Variants in DCPS observed in about 807,000 individuals in gnomAD.
The protein encoded by DCPS is decapping enzyme, scavenger, also known as m7GpppX diphosphatase.
A neutral mutation model predicts 34.7 loss-of-function variants in DCPS; 27 were observed. The observed-to-expected ratio is 0.78, with a 90% confidence interval of 0.57 to 1.07. The LOEUF (loss-of-function observed/expected upper bound fraction) is 1.07, where lower values mean the gene tolerates loss of function less well. DCPS is among the 50% of genes least tolerant of loss of function. The pLI, the probability that DCPS is intolerant of heterozygous loss-of-function variation, is 0.00. For synonymous variants in DCPS, 185 were observed against 185.7 expected (o/e 1.00, Z 0.03); for missense variants, 464 against 436.9 (o/e 1.06, Z -0.55).
In DCPS at chr11:126,306,662, G is replaced by C; in HGVS notation, c.294G>C (p.Leu98=). The C allele has an allele frequency of 6.2e-7, 1 of 1,613,974 alleles. No individual in the cohort carries two copies. The highest frequency in any genetic ancestry group is 1.1e-5 in the South Asian group (1 of 91,072). Residue 98 remains leucine (L), a synonymous_variant, in exon 2 of 6, where the codon CTG becomes CTC. Coordinates refer to ENST00000263579, the MANE Select transcript of DCPS (RefSeq NM_014026.6). ...PFQVEQVAQL[L]TGSPELQLQF... is the part of the protein sequence containing the mutation. ...AGGTGGAACAGGTGGCTCAGCTCCT[G>C]ACGGGCAGCCCTGAGCTCCAGTTGC...
rs541455223 is a variant in DCPS, at chr11:126,326,833, G to C, written c.377-4572G>C. On this transcript the variant is annotated intron_variant, in intron 2 of 5. Transcript: ENST00000263579. ...AGCTACTCAGGAGGCTGAGGCAGGA[G>C]AATGGCGTGAGCCCGGGAGGCGGAG... Among the ~76,000 whole-genome samples, 728 of 152,008 alleles carry C rather than the reference G, an allele frequency of 4.8e-3. 8 individuals are homozygous for C. The highest frequency in any genetic ancestry group is 0.017 in the African/African-American group (695 of 41,452).
Position 126,347,223 on chromosome 11 carries a change from C to CTTTTTT in DCPS, c.*1625_*1630dup, listed in dbSNP as rs1229980101. On this transcript the variant is annotated 3_prime_UTR_variant, in exon 6 of 6. Coordinates refer to ENST00000263579, the MANE Select transcript of DCPS (RefSeq NM_014026.6). This position sits in a 1 kb window ranked among gnomAD's most constrained non-coding sequence, Gnocchi z 4.2. ...CACTCAGCCATTCTTCCCTGCAGCT[C>CTTTTTT]TTTTTTTTTTTTTTTTTTTTGAGAC... is the stretch of plus-strand genomic sequence containing the variant. 8.1e-6 allele frequency among the ~76,000 whole-genome samples: 1 copy of CTTTTTT among 122,750 alleles called. No homozygotes were observed. The highest frequency in any genetic ancestry group is 1.7e-5 in the Non-Finnish European group (1 of 59,118). The allele number at this position is 122,750 out of a possible 152,430, so 80.5% of individuals were successfully genotyped here.
At position 126,333,245 on chromosome 11, in the gene DCPS, G is replaced by A. The variant is rs1452985118; in HGVS notation, c.522+1695G>A. Reference sequence around the variant, plus strand: ...CTCCTGACTGACGGGAGCCGTTCATGTATTCCTTCTTGGCTATTTCTAGTT... The same window carrying A: ...CTCCTGACTGACGGGAGCCGTTCATATATTCCTTCTTGGCTATTTCTAGTT... On this transcript the variant is annotated intron_variant, in intron 3 of 5. Coordinates refer to ENST00000263579, the MANE Select transcript of DCPS (RefSeq NM_014026.6). This position sits in a 1 kb window ranked among gnomAD's most constrained non-coding sequence, Gnocchi z 5.7. Among the ~76,000 whole-genome samples the A allele has an allele frequency of 1.3e-5, 2 of 152,168 alleles. No homozygotes were observed. Among genetic ancestry groups the A allele is most frequent in the Non-Finnish European group, 2.9e-5 (2 of 68,014 alleles).
intron 2 of DCPS, among the ~76,000 whole-genome samples, chr11:126,324,366 T>A (rs1465095474): frequency 2.0e-5 from 3 of 152,122 alleles, no homozygotes; most frequent in African/African-American, 7.2e-5. Flanking sequence ...AGAATTGGAT[T>A]TATAATAATA....
chr11:126,311,131 A>T (rs1951616038), intron 2 of DCPS, among the ~76,000 whole-genome samples: 1 of 152,202 alleles, frequency 6.6e-6, no homozygotes. Flanking sequence ...TTCCAGCTGC[A>T]ATGTCCATCC....
rs1328289787 is a variant in DCPS, at chr11:126,323,785, G to T, written c.377-7620G>T. Among the ~76,000 whole-genome samples the T allele has an allele frequency of 6.6e-6, 1 of 152,034 alleles. No homozygotes were observed. Among genetic ancestry groups the T allele is most frequent in the Non-Finnish European group, 1.5e-5 (1 of 68,000 alleles). ...AACTCCTGGGCTCAGGTGATCCAAAGTGCTAGGATTATAGGCATGAGCCAC... is the reference window on the plus strand; with the variant it reads ...AACTCCTGGGCTCAGGTGATCCAAATTGCTAGGATTATAGGCATGAGCCAC... On this transcript the variant is annotated intron_variant, in intron 2 of 5. Transcript: ENST00000263579. The surrounding 1 kb of genome is among the most constrained non-coding windows in gnomAD (Gnocchi z 4.4).
Position 126,331,249 on chromosome 11 carries a change from A to T in DCPS, c.377-156A>T, listed in dbSNP as rs1051927164. On this transcript the variant is annotated intron_variant, in intron 2 of 5. Coordinates refer to ENST00000263579, the MANE Select transcript of DCPS (RefSeq NM_014026.6). This position sits in a 1 kb window ranked among gnomAD's most constrained non-coding sequence, Gnocchi z 7.2. ...GCTCGTGAATGCAGTGGCACAAGGC[A>T]CTCTGTGGGAGTGGATCTTGGGTGC... 3.3e-5 allele frequency among the ~76,000 whole-genome samples: 5 copies of T among 151,888 alleles called. No homozygotes were observed. Among genetic ancestry groups the T allele is most frequent in the African/African-American group, 9.7e-5 (4 of 41,334 alleles).
rs759465987 is a variant in DCPS at position 126,338,751 on chromosome 11, C to T, written c.636+352C>T. Among the ~76,000 whole-genome samples, 10 of 152,204 alleles carry T rather than the reference C, an allele frequency of 6.6e-5. No homozygotes were observed. The highest frequency in any genetic ancestry group is 1.5e-4 in the Non-Finnish European group (10 of 68,044). On this transcript the variant is annotated intron_variant, in intron 4 of 5. Coordinates refer to ENST00000263579, the MANE Select transcript of DCPS (RefSeq NM_014026.6). This position sits in a 1 kb window ranked among gnomAD's most constrained non-coding sequence, Gnocchi z 5.4. ...CCCTCGGGTGGGGTGTTTCCATTTT[C>T]TCCATTCCCCTTGACACCAGCAGAT...
Position 126,347,900 on chromosome 11 carries a change from G to A in DCPS, c.*2287G>A, listed in dbSNP as rs1053854475. Among the ~76,000 whole-genome samples, 10 of 152,156 alleles carry A rather than the reference G, an allele frequency of 6.6e-5. No individual in the cohort carries two copies. Among genetic ancestry groups the A allele is most frequent in the South Asian group, 2.1e-4 (1 of 4,830 alleles). The stretch of plus-strand genomic sequence containing the variant: ...CCATCTCCAGCACCACAACTGCCAC[G>A]GAGCAGAGGGAGGCCTCCCTGTGGA... On this transcript the variant is annotated 3_prime_UTR_variant, in exon 6 of 6. Coordinates refer to ENST00000263579, the MANE Select transcript of DCPS (RefSeq NM_014026.6). The surrounding 1 kb of genome is among the most constrained non-coding windows in gnomAD (Gnocchi z 4.2).
At chr11:126,310,428 G>A (rs923483837) in intron 2 of DCPS, among the ~76,000 whole-genome samples, 10 of 152,196 alleles carry the variant, frequency 6.6e-5, no homozygotes, top group African/African-American at 1.4e-4. Flanking sequence ...GCCGCGTACC[G>A]TAGCTTCAGA....
chr11:126,343,299 C>G lies in DCPS; in HGVS notation c.637-8C>G. The stretch of plus-strand genomic sequence containing the variant: ...GCTGAGCCTGGTCTCCCCTTGCTCT[C>G]TACGCAGCTCGATGACTTGTACTTG... On this transcript the variant is annotated splice_polypyrimidine_tract_variant and splice_region_variant and intron_variant, in intron 4 of 5. Transcript: ENST00000263579. 1 of 1,611,046 alleles carries G rather than the reference C, an allele frequency of 6.2e-7. No homozygotes were observed. The highest frequency in any genetic ancestry group is 1.1e-5 in the South Asian group (1 of 90,476).
chr11:126,330,937 C>T (rs747301652), intron 2 of DCPS, among the ~76,000 whole-genome samples: 108 of 151,514 alleles, frequency 7.1e-4, no homozygotes, highest in Non-Finnish European at 1.3e-3. Context: ...GGTTTCTCCA[C>T]GTTGGTCAGG....
At position 126,323,150 on chromosome 11, in the gene DCPS, A is replaced by C. The variant is rs529856125; in HGVS notation, c.377-8255A>C. ...CAGCCACCAAATTCCTAAGTGTGAC[A>C]GTAGAATAAATATATTTTCAGATGT... On this transcript the variant is annotated intron_variant, in intron 2 of 5. Transcript: ENST00000263579. This position sits in a 1 kb window ranked among gnomAD's most constrained non-coding sequence, Gnocchi z 4.4. Among the ~76,000 whole-genome samples, 1 of 152,296 alleles carries C rather than the reference A, an allele frequency of 6.6e-6. No homozygotes were observed. The highest frequency in any genetic ancestry group is 1.9e-4 in the East Asian group (1 of 5,186).
Position 126,327,742 on chromosome 11 carries a change from T to C in DCPS, c.377-3663T>C, listed in dbSNP as rs926702499. Among the ~76,000 whole-genome samples the C allele has an allele frequency of 2.6e-5, 4 of 152,264 alleles. No individual in the cohort carries two copies. Among genetic ancestry groups the C allele is most frequent in the Non-Finnish European group, 5.9e-5 (4 of 68,048 alleles). On this transcript the variant is annotated intron_variant, in intron 2 of 5. Coordinates refer to ENST00000263579, the MANE Select transcript of DCPS (RefSeq NM_014026.6). This position sits in a 1 kb window ranked among gnomAD's most constrained non-coding sequence, Gnocchi z 4.1. ...TCATCTGGGACAAAAATGCTCTTCC[T>C]GGGTTTAAGTCGAAAAGGCCAGATT... is the stretch of plus-strand genomic sequence containing the variant.
In DCPS at chr11:126,338,024, G is replaced by GT; in HGVS notation, c.523-262_523-261insT. On this transcript the variant is annotated intron_variant, in intron 3 of 5. Transcript: ENST00000263579. The surrounding 1 kb of genome is among the most constrained non-coding windows in gnomAD (Gnocchi z 5.4). ...CACTATGCTGACCAGGAAGAGCCTG[G>GT]CCCCTTCCAAGCTGCAGAGACCCTT... 1 of 496,138 alleles carries GT rather than the reference G, an allele frequency of 2.0e-6. No individual in the cohort carries two copies. The highest frequency in any genetic ancestry group is 3.3e-5 in the Admixed American group (1 of 30,336). 30.7% of individuals were successfully genotyped at this position (496,138 alleles called of 1,614,324 possible). A position where few individuals can be genotyped will look rare whatever the true frequency, so the allele number is the denominator to read the frequency against.
Position 126,329,015 on chromosome 11 carries a change from G to A in DCPS, c.377-2390G>A, listed in dbSNP as rs545318901. On this transcript the variant is annotated intron_variant, in intron 2 of 5. Transcript: ENST00000263579. This position sits in a 1 kb window ranked among gnomAD's most constrained non-coding sequence, Gnocchi z 5.0. Reference sequence around the variant, plus strand: ...GCCAGGACTTGCACCCAGGCTGACTGGCTCCAAAATCTCTGTTCTCATCCA... The same window carrying A: ...GCCAGGACTTGCACCCAGGCTGACTAGCTCCAAAATCTCTGTTCTCATCCA... 6.6e-6 allele frequency among the ~76,000 whole-genome samples: 1 copy of A among 152,260 alleles called. No homozygotes were observed. The highest frequency in any genetic ancestry group is 1.9e-4 in the East Asian group (1 of 5,164).
Position 126,328,493 on chromosome 11 carries a change from C to G in DCPS, c.377-2912C>G, listed in dbSNP as rs996531194. ...TGGAAAATAAGCACCTGTGGATGCTCTTGCTGCTGAGGGGAGGCGGGAGGG... is the reference window on the plus strand; with the variant it reads ...TGGAAAATAAGCACCTGTGGATGCTGTTGCTGCTGAGGGGAGGCGGGAGGG... On this transcript the variant is annotated intron_variant, in intron 2 of 5. Coordinates refer to ENST00000263579, the MANE Select transcript of DCPS (RefSeq NM_014026.6). The surrounding 1 kb of genome is among the most constrained non-coding windows in gnomAD (Gnocchi z 6.6). 8.5e-5 allele frequency among the ~76,000 whole-genome samples: 13 copies of G among 152,146 alleles called. No individual in the cohort carries two copies. Among genetic ancestry groups the G allele is most frequent in the Non-Finnish European group, 1.8e-4 (12 of 68,020 alleles).
chr11:126,324,812 T>C (rs1464319444), intron 2 of DCPS, among the ~76,000 whole-genome samples: 2 of 151,982 alleles, frequency 1.3e-5, no homozygotes, highest in Non-Finnish European at 2.9e-5. Flanking sequence ...GAGATTTATG[T>C]AAACAGGGAA....
chr11:126,343,791 G>C (rs1047854499), intron 5 of DCPS, among the ~76,000 whole-genome samples: 2 of 152,194 alleles, frequency 1.3e-5, no homozygotes, highest in African/African-American at 4.8e-5. Flanking sequence ...ACATGACTTC[G>C]ATATGTGTGT....
Sources: allele counts gnomAD v4.1 joint callset (sites outside exome capture counted in the v4.1 genomes callset), GRCh38; gene constraint gnomAD v4.1.1; non-coding constraint Gnocchi (gnomAD v3.1); transcripts MANE v1.5; gene names NCBI Gene and HGNC (gene_info 2026-07-23, HGNC 2026-07-21).